MYH15: variants seen among roughly 807,000 people sequenced by gnomAD.
MYH15 encodes myosin heavy chain 15.
Under a neutral mutation model 240.5 loss-of-function variants are expected in MYH15, and 227 were observed. That is an observed-to-expected ratio of 0.94 (90% CI 0.85 to 1.05). MYH15 has a LOEUF of 1.05. MYH15 is among the 50% of genes least tolerant of loss of function. The pLI is 0.00. For missense variants in MYH15, 2,217 were observed against 2,247.5 expected (o/e 0.99, Z 0.27); for synonymous variants, 785 against 796.7 (o/e 0.99, Z 0.25).
intron 11 of MYH15, 41 bp downstream of exon 11, chr3:108,485,050 G>A (rs760644537): frequency 1.2e-6 from 2 of 1,601,510 alleles, no homozygotes; most frequent in Admixed American, 1.7e-5. Context: ...CTTGGGCCCA[G>A]AGATTTGAAG....
rs764958435 is a variant in MYH15 at position 108,421,058 on chromosome 3, G to C, written c.3829+30C>G. On this transcript the variant is annotated intron_variant, in intron 28 of 40. Transcript: ENST00000693548. The stretch of plus-strand genomic sequence containing the variant: ...CATGAGTCTGCTGGGATTGAGAATT[G>C]CCTATGAGTCAAGCAGCATACTTAC... 7.4e-6 allele frequency: 12 copies of C among 1,612,942 alleles called. No individual in the cohort carries two copies. The African/African-American group carries it at 9.3e-5, about 13-fold the overall frequency.
intron 1 of MYH15, among the ~76,000 whole-genome samples, chr3:108,519,816 T>C (rs933765719): frequency 9.2e-5 from 14 of 152,166 alleles, no homozygotes; most frequent in African/African-American, 3.4e-4. Flanking sequence ...TTAAATATAT[T>C]TAGTGATTCT....
chr3:108,387,165 T>C (rs1397806425), intron 38 of MYH15, among the ~76,000 whole-genome samples: 1 of 152,184 alleles, frequency 6.6e-6, no homozygotes, highest in Non-Finnish European at 1.5e-5. Flanking sequence ...GATATTTGTG[T>C]CCCTTTCAAA....
chr3:108,399,888 A>G (rs2082491143), intron 33 of MYH15, among the ~76,000 whole-genome samples: 1 of 151,962 alleles, frequency 6.6e-6, no homozygotes, highest in African/African-American at 2.4e-5. Flanking sequence ...CCTTCCTAAG[A>G]AAAAAAACTA....
At chr3:108,499,402 A>G in intron 5 of MYH15, 53 bp downstream of exon 5, 4 of 1,569,972 alleles carry the variant, frequency 2.5e-6, no homozygotes, top group Non-Finnish European at 3.5e-6. Context: ...GGAGGTATCT[A>G]TTTCACTGAA....
intron 6 of MYH15, among the ~76,000 whole-genome samples, chr3:108,497,157 T>TTAAAA (rs1286407305): frequency 3.5e-5 from 1 of 28,742 alleles, no homozygotes; most frequent in African/African-American, 1.5e-4. Context: ...CGAGACTCCG[T>TTAAAA]AAAAAAAAAA....
chr3:108,518,256 T>A (rs191652195), intron 1 of MYH15, among the ~76,000 whole-genome samples: 33 of 152,352 alleles, frequency 2.2e-4, no homozygotes, highest in Non-Finnish European at 4.4e-4. Context: ...TCTCTAGTTT[T>A]AAATCCAGAT....
chr3:108,389,008 G>T lies in MYH15; in HGVS notation c.5497C>A (p.Arg1833Ser). 6.2e-7 allele frequency: 1 copy of T among 1,613,698 alleles called. No homozygotes were observed. Among genetic ancestry groups the T allele is most frequent in the Non-Finnish European group, 8.5e-7 (1 of 1,179,826 alleles). Residue 1833 changes from arginine (R) to serine (S), a missense_variant, in exon 38 of 41, where the codon CGC (arginine) becomes AGC (serine). Coordinates refer to ENST00000693548, the MANE Select transcript of MYH15 (RefSeq NM_014981.3). ...TCTTTGATGCATCGCTCAAGTCTGCGGGCTCCCCTCTGGGCCTCTGCACTG... is the reference window on the plus strand; with the variant it reads ...TCTTTGATGCATCGCTCAAGTCTGCTGGCTCCCCTCTGGGCCTCTGCACTG... ...RRSAEAQRGA[R>S]RLERCIKELT... is the part of the protein sequence containing the mutation.
chr3:108,502,261 T>C (rs533510011), intron 2 of MYH15, among the ~76,000 whole-genome samples: 1 of 152,286 alleles, frequency 6.6e-6, no homozygotes, highest in East Asian at 1.9e-4. Context: ...AGGCAGACCT[T>C]ATCCTTCCAG....
At chr3:108,512,596 G>T (rs988704140), upstream of MYH15, among the ~76,000 whole-genome samples, 1 of 152,206 alleles carries the variant, frequency 6.6e-6, no homozygotes, top group Non-Finnish European at 1.5e-5. Context: ...TGTCTGAGTA[G>T]TGAGAGAAGG....
At chr3:108,549,457 T>C in the MYH15 span, among the ~76,000 whole-genome samples, 2 of 151,886 alleles carry the variant, frequency 1.3e-5, no homozygotes, top group African/African-American at 4.8e-5. Flanking sequence ...GGAGAGAAGA[T>C]TAGAAATAAA....
At chr3:108,472,059 GAAT>G (rs2083182622) in intron 12 of MYH15, among the ~76,000 whole-genome samples, 1 of 152,168 alleles carries the variant, frequency 6.6e-6, no homozygotes, top group African/African-American at 2.4e-5. Context: ...CCTGGACAGA[GAAT>G]AGCCATTTGT....
In MYH15 at chr3:108,493,133, T is replaced by C. The variant is rs539204372; in HGVS notation, c.756A>G (p.Ser252=). 6.2e-7 allele frequency: 1 copy of C among 1,614,130 alleles called. No homozygotes were observed. Among genetic ancestry groups the C allele is most frequent in the East Asian group, 2.2e-5 (1 of 44,880 alleles). The change falls in exon 8 of 41, where the codon TCA becomes TCG. Residue 252 remains serine (S), a synonymous_variant. Coordinates refer to ENST00000693548, the MANE Select transcript of MYH15 (RefSeq NM_014981.3). ...ACTTACAGATATCAATGTCCACAGA[T>C]GACAGCATGCCTCTGGCACCAAAGT... ...RMHFGARGML[S]SVDIDIYLLE...
rs1404494130 is a variant in MYH15, at chr3:108,380,431, T to A, written c.*1114A>T. ...ACAATTGTGGGTGCTGGTGGAGAAG[T>A]CTAGGCCAGGCTGTTCCCTCTGCAT... On this transcript the variant is annotated 3_prime_UTR_variant, in exon 41 of 41. Transcript: ENST00000693548. 4 of 152,412 alleles carry A rather than the reference T, an allele frequency of 2.6e-5. No individual in the cohort carries two copies. The highest frequency in any genetic ancestry group is 7.2e-5 in the African/African-American group (3 of 41,464). The allele number at this position is 152,412 out of a possible 1,614,324, so 9.4% of individuals were successfully genotyped here. A position where few individuals can be genotyped will look rare whatever the true frequency, so the allele number is the denominator to read the frequency against.
intron 28 of MYH15, among the ~76,000 whole-genome samples, chr3:108,418,850 A>T (rs769769140): frequency 6.6e-6 from 1 of 152,088 alleles, no homozygotes; most frequent in Non-Finnish European, 1.5e-5. Context: ...TCCAGGGTTC[A>T]AGTGATTCTC....
intron 33 of MYH15, among the ~76,000 whole-genome samples, chr3:108,400,593 G>A (rs141716604): frequency 0.027 from 4,160 of 152,232 alleles, 179 homozygotes; most frequent in African/African-American, 0.095. Flanking sequence ...TTGGGAGGCC[G>A]AGGTGGGCAG....
chr3:108,443,017 C>G (rs1455894253), intron 22 of MYH15, among the ~76,000 whole-genome samples: 2 of 151,976 alleles, frequency 1.3e-5, no homozygotes, highest in African/African-American at 4.8e-5. Flanking sequence ...CAAGCTGGGT[C>G]CATTTCTATC....
At chr3:108,487,587 G>A (rs2083316075) in intron 9 of MYH15, among the ~76,000 whole-genome samples, 1 of 152,174 alleles carries the variant, frequency 6.6e-6, no homozygotes, top group Non-Finnish European at 1.5e-5. Context: ...AATCTGTGGT[G>A]ACAGAAAGCA....
At chr3:108,416,467 C>T (rs914074504) in intron 29 of MYH15, among the ~76,000 whole-genome samples, 2 of 152,148 alleles carry the variant, frequency 1.3e-5, no homozygotes, top group African/African-American at 4.8e-5. Flanking sequence ...ATTGAGCTAA[C>T]CCAGTCCCAC....
Sources: allele counts gnomAD v4.1 joint callset (sites outside exome capture counted in the v4.1 genomes callset), GRCh38; gene constraint gnomAD v4.1.1; transcripts MANE v1.5; gene names NCBI Gene and HGNC (gene_info 2026-07-23, HGNC 2026-07-21).